LEP: variants seen among roughly 807,000 people sequenced by gnomAD.
The protein encoded by LEP is leptin.
LEP carries 6 observed loss-of-function variants against 9.8 expected under a neutral mutation model. That is an observed-to-expected ratio of 0.61 (90% confidence interval 0.34 to 1.21). The LOEUF (loss-of-function observed/expected upper bound fraction) is 1.21, where lower values mean the gene tolerates loss of function less well. Among genes scored for constraint, LEP ranks in the 50% most tolerant of loss-of-function variants. LEP has a pLI of 0.04. For synonymous variants in LEP, 112 were observed against 81.7 expected (o/e 1.37, Z -2.00); for missense variants, 134 against 198.1 (o/e 0.68, Z 1.94).
In LEP at chr7:128,252,032, C is replaced by A; in HGVS notation, c.14C>A (p.Thr5Asn). The change falls in exon 2 of 3, where the codon ACC (threonine) becomes AAC (asparagine). Residue 5 changes from threonine (T) to asparagine (N), a missense_variant. Transcript: ENST00000308868. MHWG[T>N]LCGFLWLWPY... Reference sequence around the variant, plus strand: ...CTGGGAAGGAAAATGCATTGGGGAACCCTGTGCGGATTCTTGTGGCTTTGG... The same window carrying A: ...CTGGGAAGGAAAATGCATTGGGGAAACCTGTGCGGATTCTTGTGGCTTTGG... 3 of 1,614,190 alleles carry A rather than the reference C, an allele frequency of 1.9e-6. No homozygotes were observed. The highest frequency in any genetic ancestry group is 3.3e-5 in the Admixed American group (2 of 60,020).
At chr7:128,243,857 C>G (rs1310807047) in intron 1 of LEP, among the ~76,000 whole-genome samples, 1 of 152,154 alleles carries the variant, frequency 6.6e-6, no homozygotes, top group African/African-American at 2.4e-5. Context: ...GGAACAGGTA[C>G]AGAGATACAG....
Position 128,254,657 on chromosome 7 carries a change from G to A in LEP, c.398G>A (p.Gly133Asp), listed in dbSNP as rs759465484. ...SGLETLDSLG[G>D]VLEASGYSTE... ...CTGGAGACCTTGGACAGCCTGGGGGGTGTCCTGGAAGCTTCAGGCTACTCC... is the reference window on the plus strand; with the variant it reads ...CTGGAGACCTTGGACAGCCTGGGGGATGTCCTGGAAGCTTCAGGCTACTCC... The change falls in exon 3 of 3, where the codon GGT becomes GAT. Residue 133 changes from glycine (G) to aspartate (D), a missense_variant. Transcript: ENST00000308868. The A allele has an allele frequency of 1.2e-6, 2 of 1,614,132 alleles. No individual in the cohort carries two copies. Among genetic ancestry groups the A allele is most frequent in the East Asian group, 2.2e-5 (1 of 44,858 alleles).
intron 1 of LEP, among the ~76,000 whole-genome samples, chr7:128,242,394 G>T: frequency 6.6e-6 from 1 of 152,186 alleles, no homozygotes; most frequent in South Asian, 2.1e-4. Context: ...AGCTGGAACT[G>T]GGGAATTTTG....
At chr7:128,246,262 G>A (rs28954089) in intron 1 of LEP, among the ~76,000 whole-genome samples, 18 of 152,046 alleles carry the variant, frequency 1.2e-4, no homozygotes, top group African/African-American at 4.1e-4. Flanking sequence ...GGTAGGAGGT[G>A]GAGGGTGGGG....
In LEP at chr7:128,244,209, C is replaced by G. The variant is rs2116205372; in HGVS notation, c.-29+2903C>G. 1.3e-5 allele frequency among the ~76,000 whole-genome samples: 2 copies of G among 151,752 alleles called. 1 individual carries two copies. Among genetic ancestry groups the G allele is most frequent in the South Asian group, 4.2e-4 (2 of 4,776 alleles). On this transcript the variant is annotated intron_variant, in intron 1 of 2. Transcript: ENST00000308868. ...GGGGGTCCAGTGAGCCTTGATCACA[C>G]CACTGCACTCCAGCCTGAGTGACAG...
At chr7:128,251,162 A>G (rs565962151) in intron 1 of LEP, among the ~76,000 whole-genome samples, 180 of 152,278 alleles carry the variant, frequency 1.2e-3, no homozygotes, top group Non-Finnish European at 2.1e-3. Flanking sequence ...TGTGCCTTCC[A>G]GTAGTATCTT....
chr7:128,250,090 A>G (rs577856938), intron 1 of LEP, among the ~76,000 whole-genome samples: 3 of 152,324 alleles, frequency 2.0e-5, no homozygotes, highest in Admixed American at 6.5e-5. Context: ...TTAAGGAAGC[A>G]TCTTGCCAGG....
Position 128,254,351 on chromosome 7 carries a change from G to A in LEP, c.145-53G>A, listed in dbSNP as rs568002113. 4.4e-6 allele frequency: 7 copies of A among 1,604,712 alleles called. No individual in the cohort carries two copies. In the African/African-American group the frequency reaches 6.7e-5, roughly 15 times the overall value. ...CCACGGGGAAGGCAGAGGGCTCTGA[G>A]AGCGATTCCTCCCACATGCTGAGCA... On this transcript the variant is annotated intron_variant, in intron 2 of 2. Coordinates refer to ENST00000308868, the MANE Select transcript of LEP (RefSeq NM_000230.3).
intron 1 of LEP, among the ~76,000 whole-genome samples, chr7:128,241,959 G>A (rs1795157219): frequency 6.6e-6 from 1 of 150,942 alleles, no homozygotes; most frequent in African/African-American, 2.5e-5. Context: ...ATACAATGAG[G>A]TGTCTCTGGG....
chr7:128,247,492 T>A (rs950773232), intron 1 of LEP, among the ~76,000 whole-genome samples: 4 of 152,210 alleles, frequency 2.6e-5, no homozygotes, highest in Non-Finnish European at 5.9e-5. Context: ...TGGTGCTCAC[T>A]GCCCCTGCGA....
intron 1 of LEP, among the ~76,000 whole-genome samples, chr7:128,246,961 C>T (rs936599041): frequency 9.2e-5 from 14 of 152,236 alleles, no homozygotes; most frequent in African/African-American, 2.6e-4. Context: ...GTGCAGGCTG[C>T]GTCCCAAATG....
chr7:128,248,336 G>C (rs1795238573), intron 1 of LEP, among the ~76,000 whole-genome samples: 1 of 152,168 alleles, frequency 6.6e-6, no homozygotes, highest in Non-Finnish European at 1.5e-5. Flanking sequence ...GGAGGCTGAG[G>C]CAGGAAAATG....
chr7:128,252,016 A>C lies in LEP; in HGVS notation c.-3A>C. The C allele has an allele frequency of 6.2e-7, 1 of 1,614,156 alleles. No homozygotes were observed. Among genetic ancestry groups the C allele is most frequent in the Non-Finnish European group, 8.5e-7 (1 of 1,180,002 alleles). On this transcript the variant is annotated 5_prime_UTR_variant, in exon 2 of 3. Transcript: ENST00000308868. Reference sequence around the variant, plus strand: ...GCCCAAGAAGCCCATCCTGGGAAGGAAAATGCATTGGGGAACCCTGTGCGG... The same window carrying C: ...GCCCAAGAAGCCCATCCTGGGAAGGCAAATGCATTGGGGAACCCTGTGCGG...
At chr7:128,242,422 A>G (rs1327107900) in intron 1 of LEP, among the ~76,000 whole-genome samples, 1 of 152,146 alleles carries the variant, frequency 6.6e-6, no homozygotes, top group Non-Finnish European at 1.5e-5. Context: ...CTTTCATATT[A>G]GGATTGTCTG....
chr7:128,253,909 C>T (rs550660002), intron 2 of LEP, among the ~76,000 whole-genome samples: 15 of 152,256 alleles, frequency 9.9e-5, no homozygotes, highest in African/African-American at 3.1e-4. Context: ...GAGAGCCTCC[C>T]GGAACTGGAG....
Position 128,252,102 on chromosome 7 carries a change from A to G in LEP, c.84A>G (p.Gln28=), listed in dbSNP as rs202007341. ...YVQAVPIQKV[Q]DDTKTLIKTI... Reference sequence around the variant, plus strand: ...AAGCTGTGCCCATCCAAAAAGTCCAAGATGACACCAAAACCCTCATCAAGA... The same window carrying G: ...AAGCTGTGCCCATCCAAAAAGTCCAGGATGACACCAAAACCCTCATCAAGA... Residue 28 remains glutamine (Q), a synonymous_variant, in exon 2 of 3, where the codon CAA becomes CAG. Coordinates refer to ENST00000308868, the MANE Select transcript of LEP (RefSeq NM_000230.3). 1.2e-6 allele frequency: 2 copies of G among 1,614,192 alleles called. No homozygotes were observed. Among genetic ancestry groups the G allele is most frequent in the Non-Finnish European group, 1.7e-6 (2 of 1,180,024 alleles).
At chr7:128,245,234 C>G (rs1381022383) in intron 1 of LEP, among the ~76,000 whole-genome samples, 1 of 152,164 alleles carries the variant, frequency 6.6e-6, no homozygotes, top group Non-Finnish European at 1.5e-5. Context: ...CCTGGAATGC[C>G]CTGCTTCCCC....
chr7:128,254,794 T>G lies in LEP; in HGVS notation c.*31T>G. ...TGAAGGTCACTCTTCCTGCAAGGAC[T>G]ACGTTAAGGGAAGGAACTCTGGCTT... On this transcript the variant is annotated 3_prime_UTR_variant, in exon 3 of 3. Coordinates refer to ENST00000308868, the MANE Select transcript of LEP (RefSeq NM_000230.3). 2 of 1,600,464 alleles carry G rather than the reference T, an allele frequency of 1.2e-6. No homozygotes were observed. The highest frequency in any genetic ancestry group is 1.7e-6 in the Non-Finnish European group (2 of 1,179,212).
intron 1 of LEP, among the ~76,000 whole-genome samples, chr7:128,242,798 T>C (rs898362883): frequency 6.6e-6 from 1 of 152,196 alleles, no homozygotes; most frequent in African/African-American, 2.4e-5. Context: ...GCAGATGCCT[T>C]GCACGTCTGA....
Sources: gnomAD v4.1 joint callset for allele counts (sites outside exome capture counted in the v4.1 genomes callset) on GRCh38, gnomAD v4.1.1 for gene constraint, MANE v1.5 for transcripts, NCBI Gene and HGNC (gene_info 2026-07-23, HGNC 2026-07-21) for gene names.